The following ANKRD17 variants were observed in gnomAD, a reference collection of about 807,000 sequenced individuals.
The protein encoded by ANKRD17 is ankyrin repeat domain 17.
A neutral mutation model predicts 229.7 loss-of-function variants in ANKRD17; 19 were observed. The ratio of observed to expected loss-of-function variants is 0.08; its 90% CI spans 0.06 to 0.12. ANKRD17 has a LOEUF of 0.12. Among genes scored for constraint, ANKRD17 ranks in the 10% least tolerant of loss-of-function variants. ANKRD17 has a pLI of 1.00. For synonymous variants in ANKRD17, 1,112 were observed against 1,146.1 expected (o/e 0.97, Z 0.60); for missense variants, 2,176 against 3,176.8 (o/e 0.68, Z 7.57).
At chr4:73,131,060 A>G (rs915485795) in intron 16 of ANKRD17, among the ~76,000 whole-genome samples, 9 of 152,224 alleles carry the variant, frequency 5.9e-5, no homozygotes, top group African/African-American at 1.7e-4. Context: ...AAGGTGTAAT[A>G]AAAATAGTCC....
chr4:73,190,905 C>CAA (rs200803339), intron 1 of ANKRD17, among the ~76,000 whole-genome samples: 1 of 151,312 alleles, frequency 6.6e-6, no homozygotes, highest in Non-Finnish European at 1.5e-5. Flanking sequence ...AAAACAAAAA[C>CAA]AAAAAAAACA....
chr4:73,135,362 A>G (rs1161032671), intron 15 of ANKRD17, 97 bp from the exon 16 acceptor site: 1 of 1,218,904 alleles, frequency 8.2e-7, no homozygotes, highest in Non-Finnish European at 1.1e-6. Flanking sequence ...TCTTAAAACA[A>G]TATGTCTACA....
At chr4:73,207,854 A>C (rs966215706) in intron 1 of ANKRD17, among the ~76,000 whole-genome samples, 1 of 152,164 alleles carries the variant, frequency 6.6e-6, no homozygotes, top group African/African-American at 2.4e-5. Context: ...CCTCTCTCAG[A>C]TTTGGCAAAA....
chr4:73,162,170 T>C (rs1490210404), intron 2 of ANKRD17, among the ~76,000 whole-genome samples: 3 of 151,916 alleles, frequency 2.0e-5, no homozygotes, highest in Non-Finnish European at 4.4e-5. Flanking sequence ...TGCCTCAGGC[T>C]CCCAAGTAGC....
chr4:73,226,793 C>A (rs1219794823), intron 1 of ANKRD17, among the ~76,000 whole-genome samples: 2 of 152,102 alleles, frequency 1.3e-5, no homozygotes, highest in Non-Finnish European at 2.9e-5. Flanking sequence ...GGCTAACTTG[C>A]AACCTCCACC....
At chr4:73,100,112 T>C (rs1723788007) in intron 25 of ANKRD17, among the ~76,000 whole-genome samples, 1 of 152,188 alleles carries the variant, frequency 6.6e-6, no homozygotes, top group South Asian at 2.1e-4. Flanking sequence ...ACAGTGGTGG[T>C]GTTTTTTGTT....
At position 73,161,198 on chromosome 4, in the gene ANKRD17, G is replaced by A. The variant is rs1263570054; in HGVS notation, c.698C>T (p.Ser233Leu). 6.2e-6 allele frequency: 10 copies of A among 1,612,430 alleles called. No homozygotes were observed. Among genetic ancestry groups the A allele is most frequent in the Middle Eastern group, 1.6e-4 (1 of 6,076 alleles). The change falls in exon 3 of 34, where the codon TCG (serine) becomes TTG (leucine). Residue 233 changes from serine to leucine, a missense_variant. Around this residue, in one of 18 missense-constraint regions of ANKRD17, gnomAD observed 184 missense variants for 357.8 expected, o/e 0.51. Transcript: ENST00000358602. ...RAESTANAGQ[S>L]DNRSLAEACS... Reference sequence around the variant, plus strand: ...GCAGCAAAAATGTACTTACTTGTCCGACTGCCCTGCATTTGCTGTGCTTTC... The same window carrying A: ...GCAGCAAAAATGTACTTACTTGTCCAACTGCCCTGCATTTGCTGTGCTTTC...
At chr4:73,112,812 G>T (rs1050876227) in intron 24 of ANKRD17, 8 of 597,158 alleles carry the variant, frequency 1.3e-5, no homozygotes, top group Non-Finnish European at 1.7e-5. Flanking sequence ...TTTTGAGACG[G>T]AGTCTCACTC....
At chr4:73,198,398 G>A (rs1202497418) in intron 1 of ANKRD17, among the ~76,000 whole-genome samples, 2 of 152,050 alleles carry the variant, frequency 1.3e-5, no homozygotes, top group African/African-American at 4.8e-5. Context: ...ATACCCAATG[G>A]CTCTGTGTTT....
intron 1 of ANKRD17, among the ~76,000 whole-genome samples, chr4:73,206,062 T>C (rs562118246): frequency 5.3e-5 from 8 of 151,942 alleles, no homozygotes; most frequent in African/African-American, 1.9e-4. Flanking sequence ...TGAACAGCTA[T>C]GAAGAAAAAG....
chr4:73,183,417 T>C (rs908289436), intron 1 of ANKRD17, among the ~76,000 whole-genome samples: 1 of 152,298 alleles, frequency 6.6e-6, no homozygotes, highest in East Asian at 1.9e-4. Flanking sequence ...CTTGAAAATG[T>C]TGCATCTGAG....
chr4:73,241,100 C>T (rs929713194), intron 1 of ANKRD17, among the ~76,000 whole-genome samples: 4 of 152,016 alleles, frequency 2.6e-5, no homozygotes, highest in African/African-American at 7.2e-5. Flanking sequence ...TGTGAGCCAC[C>T]GTGCCCGGCC....
At chr4:73,111,341 A>G (rs1725294558) in intron 24 of ANKRD17, among the ~76,000 whole-genome samples, 1 of 152,232 alleles carries the variant, frequency 6.6e-6, no homozygotes, top group Non-Finnish European at 1.5e-5. Flanking sequence ...ATACCTCAAC[A>G]GTCAATCTGA....
In ANKRD17 at chr4:73,115,810, C is replaced by G; in HGVS notation, c.4284+11G>C. On this transcript the variant is annotated intron_variant, in intron 23 of 33. Coordinates refer to ENST00000358602, the MANE Select transcript of ANKRD17 (RefSeq NM_032217.5). ...TAGAGTCCCTTGCTCATATAGTGAA[C>G]AACATATTACCTTATCAGTGATGGT... 4 of 1,598,568 alleles carry G rather than the reference C, an allele frequency of 2.5e-6. No homozygotes were observed. The highest frequency in any genetic ancestry group is 3.4e-6 in the Non-Finnish European group (4 of 1,168,432).
intron 18 of ANKRD17, 147 bp downstream of exon 18, chr4:73,124,766 T>C: frequency 1.0e-6 from 1 of 1,002,448 alleles, no homozygotes; most frequent in South Asian, 1.9e-5. Flanking sequence ...ACAATGATAC[T>C]CATCTTTTTG....
chr4:73,140,674 G>A (rs1729486296), intron 14 of ANKRD17, among the ~76,000 whole-genome samples: 1 of 152,162 alleles, frequency 6.6e-6, no homozygotes, highest in African/African-American at 2.4e-5. Context: ...TTAGGGTGAA[G>A]AGGAAACAGA....
Position 73,141,862 on chromosome 4 carries a change from A to G in ANKRD17, c.2230-19T>C, listed in dbSNP as rs764758160. ...GAGGAGCCTAAGACAAAGGACACTA[A>G]GTGACTATTAGTGTCCTACACAATC... On this transcript the variant is annotated intron_variant, in intron 13 of 33. Coordinates refer to ENST00000358602, the MANE Select transcript of ANKRD17 (RefSeq NM_032217.5). 1 of 1,571,418 alleles carries G rather than the reference A, an allele frequency of 6.4e-7. No individual in the cohort carries two copies. Among genetic ancestry groups the G allele is most frequent in the Non-Finnish European group, 8.8e-7 (1 of 1,142,558 alleles).
At chr4:73,164,322 T>C (rs905772343) in intron 2 of ANKRD17, among the ~76,000 whole-genome samples, 2 of 152,224 alleles carry the variant, frequency 1.3e-5, no homozygotes, top group East Asian at 3.8e-4. Context: ...TATGAACTTC[T>C]TGTATCTTCA....
At chr4:73,245,598 C>A (rs1374342682) in intron 1 of ANKRD17, among the ~76,000 whole-genome samples, 1 of 152,206 alleles carries the variant, frequency 6.6e-6, no homozygotes, top group African/African-American at 2.4e-5. Context: ...ACTTGCTTAG[C>A]CAGCCCTCAC....
Sources: gnomAD v4.1 joint callset for allele counts (sites outside exome capture counted in the v4.1 genomes callset) on GRCh38, gnomAD v4.1.1 for gene constraint, gnomAD v4.1.1 regional missense constraint, MANE v1.5 for transcripts, NCBI Gene and HGNC (gene_info 2026-07-23, HGNC 2026-07-21) for gene names.